The following KDM2B variants were observed in gnomAD, a reference collection of about 807,000 sequenced individuals.
KDM2B encodes the protein lysine-specific demethylase 2B.
In KDM2B, 26 loss-of-function variants were observed where a neutral mutation model predicts 150.0. The observed-to-expected ratio is 0.17, with a 90% CI of 0.13 to 0.24. The LOEUF (loss-of-function observed/expected upper bound fraction) is 0.24. Ranked by LOEUF, KDM2B falls within the 10% of genes least tolerant of loss-of-function variation. The pLI, the probability that KDM2B is intolerant of heterozygous loss-of-function variation, is 1.00. For synonymous variants in KDM2B, 734 were observed against 729.5 expected, an observed-to-expected ratio of 1.01 and a Z score of -0.10; for missense variants, 1,265 against 1,816.9, an observed-to-expected ratio of 0.70 and a Z score of 5.52.
intron 13 of KDM2B, among the ~76,000 whole-genome samples, chr12:121,449,632 CG>C (rs1420177494): frequency 2.0e-5 from 3 of 152,178 alleles, no homozygotes; most frequent in Non-Finnish European, 4.4e-5. Flanking sequence ...AAGACAGTCG[CG>C]GGTTCATTAC....
Position 121,443,801 on chromosome 12 carries a change from G to T in KDM2B, c.2452-8C>A, listed in dbSNP as rs782671341. 13 of 1,532,214 alleles carry T rather than the reference G, an allele frequency of 8.5e-6. No individual in the cohort carries two copies. The highest frequency in any genetic ancestry group is 8.9e-6 in the Non-Finnish European group (10 of 1,122,096). The allele number at this position is 1,532,214 out of a possible 1,614,324, so 94.9% of individuals were successfully genotyped here. On this transcript the variant is annotated splice_region_variant and splice_polypyrimidine_tract_variant and intron_variant, in intron 16 of 22. Coordinates refer to ENST00000377071, the MANE Select transcript of KDM2B (RefSeq NM_032590.5). Reference sequence around the variant, plus strand: ...CGTTTGAAGCGATGAGGCCTAAAGGGGGGTGGAGTGGGAAGAGGAGTGACT... The same window carrying T: ...CGTTTGAAGCGATGAGGCCTAAAGGTGGGTGGAGTGGGAAGAGGAGTGACT...
intron 22 of KDM2B, among the ~76,000 whole-genome samples, chr12:121,431,360 G>A (rs1362839743): frequency 1.4e-5 from 2 of 143,990 alleles, no homozygotes; most frequent in African/African-American, 5.3e-5. Context: ...TGTTGTCCAG[G>A]CTGGCCTCAA....
the KDM2B span, among the ~76,000 whole-genome samples, chr12:121,415,658 T>C: frequency 2.0e-5 from 3 of 152,054 alleles, no homozygotes; most frequent in African/African-American, 4.8e-5. Flanking sequence ...ATTGATGTTA[T>C]TTCTGTTAAA....
At chr12:121,431,407 C>T (rs140007443) in intron 22 of KDM2B, among the ~76,000 whole-genome samples, 85 of 151,468 alleles carry the variant, frequency 5.6e-4, no homozygotes, top group Middle Eastern at 3.4e-3. Context: ...CCTCAGCCTC[C>T]CAAAGTGCTG....
chr12:121,560,776 C>CT (rs1272518635), intron 4 of KDM2B, among the ~76,000 whole-genome samples: 1 of 152,082 alleles, frequency 6.6e-6, no homozygotes, highest in African/African-American at 2.4e-5. Flanking sequence ...GGCTGAGTCT[C>CT]TAAGCAAGAG....
At chr12:121,409,105 G>A in the KDM2B span, among the ~76,000 whole-genome samples, 2 of 151,936 alleles carry the variant, frequency 1.3e-5, no homozygotes, top group African/African-American at 2.4e-5. Flanking sequence ...TCAGCCTCTC[G>A]AGTAGCTTGG....
At chr12:121,542,393 C>G (rs60596688) in intron 6 of KDM2B, among the ~76,000 whole-genome samples, 5 of 152,244 alleles carry the variant, frequency 3.3e-5, no homozygotes, top group Admixed American at 6.5e-5. Context: ...ACTCCACCCC[C>G]CTTGGCCTCC....
At chr12:121,474,688 C>T (rs1321269434) in intron 12 of KDM2B, among the ~76,000 whole-genome samples, 3 of 152,206 alleles carry the variant, frequency 2.0e-5, no homozygotes, top group Non-Finnish European at 2.9e-5. Context: ...CATGGTGGCT[C>T]ACGCCTGTAA....
At position 121,453,895 on chromosome 12, in the gene KDM2B, G is replaced by A. The variant is rs11838335; in HGVS notation, c.1735-551C>T. Among the ~76,000 whole-genome samples, 55,354 of 151,992 alleles carry A rather than the reference G, an allele frequency of 0.36. 10,366 individuals are homozygous for A. Among genetic ancestry groups the A allele is most frequent in the East Asian group, 0.39 (2,005 of 5,160 alleles). Reference sequence around the variant, plus strand: ...TGCTTCTTGCCGCAGCACACAGCTCGAGACCTTCCATGGCTGCACCCACAG... The same window carrying A: ...TGCTTCTTGCCGCAGCACACAGCTCAAGACCTTCCATGGCTGCACCCACAG... On this transcript the variant is annotated intron_variant, in intron 12 of 22. Transcript: ENST00000377071. This position sits in a 1 kb window ranked among gnomAD's most constrained non-coding sequence, Gnocchi z 6.4.
At chr12:121,560,282 G>A (rs1356201301) in intron 4 of KDM2B, among the ~76,000 whole-genome samples, 2 of 152,146 alleles carry the variant, frequency 1.3e-5, no homozygotes, top group Non-Finnish European at 2.9e-5. Context: ...TGGGATGACA[G>A]GCATGAGCCA....
chr12:121,571,432 G>A (rs1891078982), intron 4 of KDM2B, among the ~76,000 whole-genome samples: 1 of 141,922 alleles, frequency 7.0e-6, no homozygotes, highest in South Asian at 2.3e-4. Flanking sequence ...GGGATTACAG[G>A]AATGTGCCAC....
rs367599667 is a variant in KDM2B at position 121,509,814 on chromosome 12, C to A, written c.1400G>T (p.Arg467Leu). 5 of 1,613,964 alleles carry A rather than the reference C, an allele frequency of 3.1e-6. No individual in the cohort carries two copies. The Admixed American group carries it at 6.7e-5, about 22-fold the overall frequency. The change falls in exon 11 of 23, where the codon CGA becomes CTA. Residue 467 changes from arginine to leucine, a missense_variant. By Grantham distance (102) the Arg-to-Leu change is moderately radical. This residue lies in a region of KDM2B where 154 missense variants were observed against 162.5 expected (regional missense o/e 0.95). Transcript: ENST00000377071. ...ATTAGACAAAGTCCTTTTGAGGAAT[C>A]GCAGGGCAGGTGCTTTGGGCTTCTT... ...LGKKPKAPAL[R>L]FLKRTLSNES...
In KDM2B at chr12:121,532,750, C is replaced by G; in HGVS notation, c.931+56G>C. 3 of 1,589,152 alleles carry G rather than the reference C, an allele frequency of 1.9e-6. No individual in the cohort carries two copies. The Admixed American group carries it at 5.1e-5, about 27-fold the overall frequency. On this transcript the variant is annotated intron_variant, in intron 8 of 22. Coordinates refer to ENST00000377071, the MANE Select transcript of KDM2B (RefSeq NM_032590.5). ...GAGCAACCCTCAGGGGGCCTAAAAC[C>G]CTGGCTCAGGCCGCAGGAGACTCGA...
intron 8 of KDM2B, among the ~76,000 whole-genome samples, chr12:121,527,179 C>T (rs1342877150): frequency 1.3e-5 from 2 of 150,454 alleles, no homozygotes; most frequent in African/African-American, 2.4e-5. Flanking sequence ...TCCCGAGCAG[C>T]TGGTACTACA....
At chr12:121,560,905 G>C (rs1314593178) in intron 4 of KDM2B, among the ~76,000 whole-genome samples, 1 of 152,174 alleles carries the variant, frequency 6.6e-6, no homozygotes. Flanking sequence ...AGCTGACAGG[G>C]ACAAGCGTCC....
In KDM2B at chr12:121,442,565, T is replaced by C. The variant is rs1555288742; in HGVS notation, c.2876A>G (p.Gln959Arg). The C allele has an allele frequency of 1.2e-6, 2 of 1,600,556 alleles. No individual in the cohort carries two copies. The highest frequency in any genetic ancestry group is 1.6e-4 in the Middle Eastern group (1 of 6,082). The change falls in exon 19 of 23, where the codon CAG becomes CGG. Residue 959 changes from glutamine to arginine, a missense_variant. Gln to Arg is a conservative substitution (Grantham distance 43). Transcript: ENST00000377071. The surrounding 1 kb of genome is among the most constrained non-coding windows in gnomAD (Gnocchi z 7.7). Reference sequence around the variant, plus strand: ...GTTGGCCAGGCTGTTCTCCGTCCTCTGGATCTCGTGGTTGAGCTCCTTGCT... The same window carrying C: ...GTTGGCCAGGCTGTTCTCCGTCCTCCGGATCTCGTGGTTGAGCTCCTTGCT... Reference protein sequence around the residue: ...ELSKELNHEIQRTENSLANEN... With the variant: ...ELSKELNHEIRRTENSLANEN...
downstream of KDM2B, among the ~76,000 whole-genome samples, chr12:121,425,611 A>T (rs1322417275): frequency 1.3e-5 from 2 of 152,104 alleles, no homozygotes; most frequent in East Asian, 3.9e-4. Context: ...AAAGAAAAAA[A>T]TTTTCTGCTT....
At chr12:121,554,267 T>C (rs1889737786) in intron 4 of KDM2B, among the ~76,000 whole-genome samples, 1 of 152,078 alleles carries the variant, frequency 6.6e-6, no homozygotes, top group African/African-American at 2.4e-5. Flanking sequence ...TGAAATGAAT[T>C]GTATGGTCTG....
intron 8 of KDM2B, 32 bp downstream of exon 8, chr12:121,532,774 G>A (rs373818509): frequency 5.6e-6 from 9 of 1,610,254 alleles, no homozygotes; most frequent in Admixed American, 3.3e-5. Flanking sequence ...CAGGAGACTC[G>A]AGGAGCCCAG....
Sources: allele counts gnomAD v4.1 joint callset (sites outside exome capture counted in the v4.1 genomes callset), GRCh38; gene constraint gnomAD v4.1.1; regional missense constraint gnomAD v4.1.1; non-coding constraint Gnocchi (gnomAD v3.1); transcripts MANE v1.5; gene names NCBI Gene and HGNC (gene_info 2026-07-23, HGNC 2026-07-21).